Variants in PRDM12 observed in about 807,000 individuals in gnomAD.
The protein encoded by PRDM12 is PR/SET domain 12.
A neutral mutation model predicts 29.6 loss-of-function variants in PRDM12; 17 were observed. The ratio of observed to expected loss-of-function variants is 0.57; its 90% CI spans 0.39 to 0.86. The LOEUF (loss-of-function observed/expected upper bound fraction) is 0.86, where lower values mean the gene tolerates loss of function less well. Among genes scored for constraint, PRDM12 ranks in the 40% least tolerant of loss-of-function variants. The pLI, the probability that PRDM12 is intolerant of heterozygous loss-of-function variation, is 0.00. For synonymous variants in PRDM12, 231 were observed against 225.8 expected, an observed-to-expected ratio of 1.02 and a Z score of -0.21; for missense variants, 422 against 510.8, an observed-to-expected ratio of 0.83 and a Z score of 1.68.
chr9:130,668,423 C>T lies in PRDM12; in HGVS notation c.570+110C>T, dbSNP rs992229355. The T allele has an allele frequency of 6.5e-7, 1 of 1,530,804 alleles. No homozygotes were observed. The highest frequency in any genetic ancestry group is 8.9e-7 in the Non-Finnish European group (1 of 1,124,376). The allele number at this position is 1,530,804 out of a possible 1,614,324, so 94.8% of individuals were successfully genotyped here. On this transcript the variant is annotated intron_variant, in intron 3 of 4. Transcript: ENST00000253008. The surrounding 1 kb of genome is among the most constrained non-coding windows in gnomAD (Gnocchi z 4.0). ...ACCACAGTGGACAGAGGGGAGCTGA[C>T]ACTGGCCTCGCTGGCTCTGCGCAGG... is the stretch of plus-strand genomic sequence containing the variant.
At chr9:130,669,177 A>C (rs1830764251) in intron 3 of PRDM12, among the ~76,000 whole-genome samples, 1 of 151,618 alleles carries the variant, frequency 6.6e-6, no homozygotes, top group Non-Finnish European at 1.5e-5. Context: ...AATACAAAAA[A>C]TTAGCCGGGC....
Position 130,664,940 on chromosome 9 carries a change from C to A in PRDM12, c.223+64C>A, listed in dbSNP as rs1188192627. ...CCGGCGACCCCCATTCCCGTCCTGG[C>A]GATGCGCGAGACGCGGCTGGGATAC... is the stretch of plus-strand genomic sequence containing the variant. On this transcript the variant is annotated intron_variant, in intron 1 of 4. Coordinates refer to ENST00000253008, the MANE Select transcript of PRDM12 (RefSeq NM_021619.3). This position sits in a 1 kb window ranked among gnomAD's most constrained non-coding sequence, Gnocchi z 6.4. 2.8e-6 allele frequency: 4 copies of A among 1,426,984 alleles called. No homozygotes were observed. Among genetic ancestry groups the A allele is most frequent in the Admixed American group, 2.2e-5 (1 of 44,610 alleles). The allele number at this position is 1,426,984 out of a possible 1,614,324, so 88.4% of individuals were successfully genotyped here.
intron 3 of PRDM12, among the ~76,000 whole-genome samples, chr9:130,671,374 G>GAC (rs56920587): frequency 0.25 from 34,425 of 135,426 alleles, 4,247 homozygotes; most frequent in Admixed American, 0.3. Flanking sequence ...AGAGGATCAG[G>GAC]ACACACACAC....
chr9:130,666,868 G>A lies in PRDM12; in HGVS notation c.414+70G>A, dbSNP rs1482328746. The stretch of plus-strand genomic sequence containing the variant: ...CGCTGGTCGCGGGTAGGACTCGGGC[G>A]TCCGGCCGTCGCCGCTTCCACCCGG... On this transcript the variant is annotated intron_variant, in intron 2 of 4. Coordinates refer to ENST00000253008, the MANE Select transcript of PRDM12 (RefSeq NM_021619.3). 3 of 1,505,644 alleles carry A rather than the reference G, an allele frequency of 2.0e-6. No homozygotes were observed. The African/African-American group carries it at 4.3e-5, about 21-fold the overall frequency. 93.3% of individuals were successfully genotyped at this position (1,505,644 alleles called of 1,614,324 possible).
At chr9:130,680,413 T>A (rs1830882879) in intron 4 of PRDM12, among the ~76,000 whole-genome samples, 1 of 151,370 alleles carries the variant, frequency 6.6e-6, no homozygotes, top group Non-Finnish European at 1.5e-5. Context: ...GGTGGGTGGA[T>A]CTCGAGGTCA....
At chr9:130,679,457 C>T (rs1433919434) in intron 4 of PRDM12, among the ~76,000 whole-genome samples, 5 of 151,318 alleles carry the variant, frequency 3.3e-5, no homozygotes, top group African/African-American at 9.7e-5. Context: ...CTCAGCCTCC[C>T]GAGTAGTTGG....
At position 130,678,621 on chromosome 9, in the gene PRDM12, C is replaced by G. The variant is rs761690651; in HGVS notation, c.663C>G (p.Asp221Glu). Reference protein sequence around the residue: ...GIPGVPGLEEDQKKNKHEDFH... With the variant: ...GIPGVPGLEEEQKKNKHEDFH... ...CAGGTGTGCCCGGGCTAGAGGAGGA[C>G]CAGAAAAAGAACAAGCATGGTAGGT... is the stretch of plus-strand genomic sequence containing the variant. The change falls in exon 4 of 5, where the codon GAC becomes GAG. Residue 221 changes from aspartate (D) to glutamate (E), a missense_variant. Transcript: ENST00000253008. 6.2e-7 allele frequency: 1 copy of G among 1,610,900 alleles called. No individual in the cohort carries two copies.
rs1443681856 is a variant in PRDM12 at position 130,666,837 on chromosome 9, G to GCCC, written c.414+39_414+40insCCC. The GCCC allele has an allele frequency of 2.6e-6, 4 of 1,548,398 alleles. No homozygotes were observed. The African/African-American group carries it at 4.2e-5, about 16-fold the overall frequency. ...GGGGCAGAGGGGCGCAAGGGCCGGC[G>GCCC]AGGGGCGCTGGTCGCGGGTAGGACT... On this transcript the variant is annotated intron_variant, in intron 2 of 4. Coordinates refer to ENST00000253008, the MANE Select transcript of PRDM12 (RefSeq NM_021619.3).
At chr9:130,669,715 C>T (rs1348165886) in intron 3 of PRDM12, among the ~76,000 whole-genome samples, 1 of 146,144 alleles carries the variant, frequency 6.8e-6, no homozygotes, top group Non-Finnish European at 1.5e-5. Flanking sequence ...ACTCGGGAGG[C>T]TGAGGCAGGA....
chr9:130,682,866 T>G lies in PRDM12; in HGVS notation c.*1197T>G, dbSNP rs73551850. 0.056 allele frequency: 8,539 copies of G among 152,742 alleles called. 436 individuals are homozygous for G. Among genetic ancestry groups the G allele is most frequent in the African/African-American group, 0.15 (6,128 of 41,552 alleles). 9.5% of individuals were successfully genotyped at this position (152,742 alleles called of 1,614,324 possible). A position where few individuals can be genotyped will look rare whatever the true frequency, so the allele number is the denominator to read the frequency against. ...GATGGTCACTTTAACCTTGTAAATA[T>G]TTATCTAAAATGATATTTACAAAAC... On this transcript the variant is annotated 3_prime_UTR_variant, in exon 5 of 5. Transcript: ENST00000253008. This position sits in a 1 kb window ranked among gnomAD's most constrained non-coding sequence, Gnocchi z 4.2.
At chr9:130,676,287 G>A (rs1211215225) in intron 3 of PRDM12, among the ~76,000 whole-genome samples, 1 of 152,026 alleles carries the variant, frequency 6.6e-6, no homozygotes, top group Non-Finnish European at 1.5e-5. Context: ...TCAGGAGATC[G>A]AGACCATCCT....
chr9:130,668,041 C>CTTTA lies in PRDM12; in HGVS notation c.415-115_415-112dup, dbSNP rs1182776941. The CTTTA allele has an allele frequency of 1.7e-5, 23 of 1,317,536 alleles. No homozygotes were observed. Among genetic ancestry groups the CTTTA allele is most frequent in the Non-Finnish European group, 2.3e-5 (22 of 955,122 alleles). The allele number at this position is 1,317,536 out of a possible 1,614,324, so 81.6% of individuals were successfully genotyped here. Reference sequence around the variant, plus strand: ...TCCTTTCTTCAGTGGGAAAATGAAGCTTTATCCACTTCCTGGGGCTGTTGT... The same window carrying CTTTA: ...TCCTTTCTTCAGTGGGAAAATGAAGCTTTATTTATCCACTTCCTGGGGCTGTTGT... On this transcript the variant is annotated intron_variant, in intron 2 of 4. Transcript: ENST00000253008. The surrounding 1 kb of genome is among the most constrained non-coding windows in gnomAD (Gnocchi z 4.0).
intron 1 of PRDM12, among the ~76,000 whole-genome samples, chr9:130,665,968 G>C (rs999500472): frequency 6.6e-6 from 1 of 152,222 alleles, no homozygotes; most frequent in Admixed American, 6.5e-5. Context: ...CTGAGCCCGG[G>C]CGCCGCCCTC....
intron 4 of PRDM12, among the ~76,000 whole-genome samples, chr9:130,680,659 A>ATATATATTTTTTTT: frequency 2.8e-5 from 2 of 72,172 alleles, no homozygotes; most frequent in African/African-American, 1.6e-4. Flanking sequence ...ATATATATAT[A>ATATATATTTTTTTT]TTTTTTTTTT....
chr9:130,681,765 G>T lies in PRDM12; in HGVS notation c.*96G>T. 2 of 953,460 alleles carry T rather than the reference G, an allele frequency of 2.1e-6. No homozygotes were observed. The highest frequency in any genetic ancestry group is 2.5e-6 in the Non-Finnish European group (2 of 801,146). The allele number at this position is 953,460 out of a possible 1,614,324, so 59.1% of individuals were successfully genotyped here. ...GCCCTCCAGCCCCAACCCCCGGCCC[G>T]GCGCCGCCGCGGAGCCCCGCGCGCT... On this transcript the variant is annotated 3_prime_UTR_variant, in exon 5 of 5. Transcript: ENST00000253008. This position sits in a 1 kb window ranked among gnomAD's most constrained non-coding sequence, Gnocchi z 8.1.
intron 3 of PRDM12, among the ~76,000 whole-genome samples, chr9:130,671,357 C>CA (rs781747555): frequency 7.2e-6 from 1 of 137,932 alleles, no homozygotes; most frequent in African/African-American, 2.7e-5. Flanking sequence ...ACAACAACAA[C>CA]AAAAAAAGAG....
chr9:130,674,310 G>C (rs994289527), intron 3 of PRDM12, among the ~76,000 whole-genome samples: 2 of 151,382 alleles, frequency 1.3e-5, no homozygotes, highest in African/African-American at 4.9e-5. Flanking sequence ...ACTGCGCCCG[G>C]CCCAATTTTT....
At chr9:130,675,874 C>G (rs1200684035) in intron 3 of PRDM12, among the ~76,000 whole-genome samples, 1 of 152,136 alleles carries the variant, frequency 6.6e-6, no homozygotes, top group Non-Finnish European at 1.5e-5. Flanking sequence ...CCGGTTTCAT[C>G]CAAGACTGGA....
At position 130,673,502 on chromosome 9, in the gene PRDM12, T is replaced by C. The variant is rs151296318; in HGVS notation, c.571-5027T>C. 6.3e-3 allele frequency among the ~76,000 whole-genome samples: 954 copies of C among 151,914 alleles called. 10 individuals are homozygous for C. The highest frequency in any genetic ancestry group is 0.019 in the African/African-American group (768 of 41,464). The stretch of plus-strand genomic sequence containing the variant: ...TGTGTCATTCTCAATTCCAGCAGCC[T>C]CTTTTTTTTTTCTTTTGGAGACAAT... On this transcript the variant is annotated intron_variant, in intron 3 of 4. Transcript: ENST00000253008.
Sources: allele counts gnomAD v4.1 joint callset (sites outside exome capture counted in the v4.1 genomes callset), GRCh38; gene constraint gnomAD v4.1.1; non-coding constraint Gnocchi (gnomAD v3.1); transcripts MANE v1.5; gene names NCBI Gene and HGNC (gene_info 2026-07-23, HGNC 2026-07-21).